Variants in GABRB3 observed in about 807,000 individuals in gnomAD.
GABRB3 encodes gamma-aminobutyric acid receptor subunit beta-3.
A neutral mutation model predicts 52.1 loss-of-function variants in GABRB3; 14 were observed. The observed-to-expected ratio is 0.27, with a 90% CI of 0.18 to 0.42. The LOEUF is 0.42. Among genes scored for constraint, GABRB3 ranks in the 10% least tolerant of loss-of-function variants. The pLI, the probability that GABRB3 is intolerant of heterozygous loss-of-function variation, is 1.00. For missense variants in GABRB3, 307 were observed against 609.1 expected, an observed-to-expected ratio of 0.50 and a Z score of 5.22; for synonymous variants, 260 against 232.3, an observed-to-expected ratio of 1.12 and a Z score of -1.08.
chr15:26,555,790 G>C (rs1307759622), intron 8 of GABRB3, among the ~76,000 whole-genome samples: 1 of 152,128 alleles, frequency 6.6e-6, no homozygotes, highest in Non-Finnish European at 1.5e-5. Context: ...AATATATATT[G>C]AATTAATAAG....
At chr15:26,608,490 T>C (rs1311137284) in intron 4 of GABRB3, among the ~76,000 whole-genome samples, 1 of 151,938 alleles carries the variant, frequency 6.6e-6, no homozygotes, top group East Asian at 1.9e-4. Flanking sequence ...CCAAAAACAA[T>C]GAATACTATA....
At position 26,547,023 on chromosome 15, in the gene GABRB3, G is replaced by C. The variant is rs1889272810; in HGVS notation, c.*770C>G. ...CAGTGAAGCTGGATCCACTCCAAGT[G>C]AACAACAGAAACAAACTACACACTG... On this transcript the variant is annotated 3_prime_UTR_variant, in exon 9 of 9. Coordinates refer to ENST00000311550, the MANE Select transcript of GABRB3 (RefSeq NM_000814.6). 6.6e-6 allele frequency: 1 copy of C among 152,048 alleles called. No homozygotes were observed. The allele number at this position is 152,048 out of a possible 1,614,324, so 9.4% of individuals were successfully genotyped here.
rs1459379423 is a variant in GABRB3 at position 26,600,649 on chromosome 15, CAAAG to C, written c.462-17239_462-17236del. Among the ~76,000 whole-genome samples the C allele has an allele frequency of 2.6e-5, 4 of 152,068 alleles. No homozygotes were observed. The East Asian group carries it at 7.7e-4, about 29-fold the overall frequency. On this transcript the variant is annotated intron_variant, in intron 4 of 8. Coordinates refer to ENST00000311550, the MANE Select transcript of GABRB3 (RefSeq NM_000814.6). The stretch of plus-strand genomic sequence containing the variant: ...CAGTTAAGCTGTCATTTAGAAACGA[CAAAG>C]AAATAAAAGCTTTCCCAGACAAACA...
chr15:26,677,596 G>GAACA (rs900603584), intron 3 of GABRB3, among the ~76,000 whole-genome samples: 1 of 152,112 alleles, frequency 6.6e-6, no homozygotes, highest in Non-Finnish European at 1.5e-5. Flanking sequence ...AGCAAAGGTA[G>GAACA]AACAGCTTTC....
intron 3 of GABRB3, among the ~76,000 whole-genome samples, chr15:26,626,694 G>A (rs896478852): frequency 6.6e-6 from 1 of 152,200 alleles, no homozygotes; most frequent in Admixed American, 6.5e-5. Context: ...CTTCAATTCT[G>A]TGAAGGCTGA....
chr15:26,554,187 TATACTATATATATATATATATAG>T (rs1567097799), intron 8 of GABRB3, among the ~76,000 whole-genome samples: 8 of 30,300 alleles, frequency 2.6e-4, no homozygotes, highest in Non-Finnish European at 4.2e-4. Flanking sequence ...TATATATATA[TATACTATATATATATATATATAG>T]TAGAAACAAG....
At chr15:26,641,866 C>T (rs1893210196) in intron 3 of GABRB3, among the ~76,000 whole-genome samples, 1 of 152,012 alleles carries the variant, frequency 6.6e-6, no homozygotes, top group Non-Finnish European at 1.5e-5. Flanking sequence ...CACTTATACA[C>T]AGATTGTTTT....
intron 3 of GABRB3, chr15:26,629,213 G>A (rs1374761539): frequency 9.0e-6 from 13 of 1,437,336 alleles, no homozygotes; most frequent in East Asian, 2.5e-5. Context: ...CGGCAATCAG[G>A]GGCGGGGCCT....
intron 3 of GABRB3, among the ~76,000 whole-genome samples, chr15:26,636,258 T>C (rs1397185745): frequency 1.3e-5 from 2 of 152,216 alleles, no homozygotes; most frequent in Non-Finnish European, 2.9e-5. Context: ...TCAAATTAGG[T>C]AGCTGGCCCT....
chr15:26,705,062 A>G (rs1236466652), intron 3 of GABRB3, among the ~76,000 whole-genome samples: 3 of 152,202 alleles, frequency 2.0e-5, no homozygotes, highest in African/African-American at 7.2e-5. Flanking sequence ...GACTTACCCT[A>G]TCAAGTCCTG....
At chr15:26,667,353 G>A (rs972518107) in intron 3 of GABRB3, among the ~76,000 whole-genome samples, 3 of 152,074 alleles carry the variant, frequency 2.0e-5, no homozygotes, top group South Asian at 2.1e-4. Flanking sequence ...GACACAGTCC[G>A]GGACATTTTC....
chr15:26,705,287 T>C (rs1378608449), intron 3 of GABRB3, among the ~76,000 whole-genome samples: 2 of 152,168 alleles, frequency 1.3e-5, no homozygotes, highest in African/African-American at 4.8e-5. Flanking sequence ...TATAAAGACA[T>C]CTGATCTCAT....
chr15:26,693,563 A>G (rs146792546), intron 3 of GABRB3, among the ~76,000 whole-genome samples: 1,615 of 152,258 alleles, frequency 0.011, 24 homozygotes, highest in Non-Finnish European at 0.017. Context: ...CCACTCCAAC[A>G]TGTAAAGAGC....
chr15:26,559,143 T>C (rs1460990741), intron 8 of GABRB3, among the ~76,000 whole-genome samples: 1 of 151,948 alleles, frequency 6.6e-6, no homozygotes, highest in Non-Finnish European at 1.5e-5. Flanking sequence ...CAATTTGACG[T>C]GAGATTTGGG....
chr15:26,707,445 C>T (rs1178184734), intron 3 of GABRB3, among the ~76,000 whole-genome samples: 1 of 152,076 alleles, frequency 6.6e-6, no homozygotes, highest in Admixed American at 6.5e-5. Context: ...TGAAAAATAT[C>T]TAGGATAGAG....
At chr15:26,724,091 T>C (rs1889710435) in intron 3 of GABRB3, among the ~76,000 whole-genome samples, 2 of 152,206 alleles carry the variant, frequency 1.3e-5, no homozygotes, top group South Asian at 4.1e-4. Flanking sequence ...GCTAAGCTTT[T>C]CATATTCATT....
At chr15:26,549,498 G>A (rs1374006234) in intron 8 of GABRB3, among the ~76,000 whole-genome samples, 3 of 152,152 alleles carry the variant, frequency 2.0e-5, no homozygotes, top group Non-Finnish European at 4.4e-5. Context: ...GGAAAGTGAG[G>A]TGGTCATCAG....
rs71420007 is a variant in GABRB3 at position 26,554,176 on chromosome 15, G to GAGTGTATATATA, written c.1081-6043_1081-6042insTATATATACACT. Among the ~76,000 whole-genome samples the GAGTGTATATATA allele has an allele frequency of 2.9e-4, 8 of 27,334 alleles. 1 individual carries two copies. The highest frequency in any genetic ancestry group is 9.1e-4 in the African/African-American group (8 of 8,782). The allele number at this position is 27,334 out of a possible 152,430, so 17.9% of individuals were successfully genotyped here. On this transcript the variant is annotated intron_variant, in intron 8 of 8. Transcript: ENST00000311550. The stretch of plus-strand genomic sequence containing the variant: ...TATATATAAAGTATATATATATAAA[G>GAGTGTATATATA]TATATATATATATACTATATATATA...
chr15:26,733,199 A>T (rs1241491370), intron 3 of GABRB3, among the ~76,000 whole-genome samples: 2 of 152,180 alleles, frequency 1.3e-5, no homozygotes, highest in African/African-American at 4.8e-5. Context: ...TTGGAAAGAA[A>T]AAAGTAAAAT....
Sources: gnomAD v4.1 joint callset for allele counts (sites outside exome capture counted in the v4.1 genomes callset) on GRCh38, gnomAD v4.1.1 for gene constraint, MANE v1.5 for transcripts, NCBI Gene and HGNC (gene_info 2026-07-23, HGNC 2026-07-21) for gene names.